The following MSRA variants were observed in gnomAD, a reference collection of about 807,000 sequenced individuals.
The protein encoded by MSRA is methionine sulfoxide reductase A, also known as mitochondrial peptide methionine sulfoxide reductase.
MSRA carries 54 observed loss-of-function variants against 31.3 expected under a neutral mutation model. The observed-to-expected ratio is 1.73, with a 90% CI of 1.39 to 2.17. MSRA has a LOEUF of 2.17. MSRA is among the 30% of genes most tolerant of loss of function. MSRA has a pLI of 0.00. For missense variants in MSRA, 507 were observed against 300.9 expected (o/e 1.69, Z -5.07); for synonymous variants, 169 against 116.5 (o/e 1.45, Z -2.90).
chr8:10,365,867 G>C (rs1805134503), intron 5 of MSRA, among the ~76,000 whole-genome samples: 1 of 152,220 alleles, frequency 6.6e-6, no homozygotes, highest in Non-Finnish European at 1.5e-5. Context: ...GTGAACCCAG[G>C]ACTCCTGGCT....
intron 3 of MSRA, among the ~76,000 whole-genome samples, chr8:10,277,174 T>G (rs968711798): frequency 3.7e-4 from 56 of 152,368 alleles, no homozygotes; most frequent in African/African-American, 1.3e-3. Flanking sequence ...ATTATTCTTA[T>G]AAAATTTATC....
chr8:10,172,848 C>T (rs1227234269), intron 1 of MSRA, among the ~76,000 whole-genome samples: 2 of 152,146 alleles, frequency 1.3e-5, no homozygotes, highest in African/African-American at 4.8e-5. Flanking sequence ...GATTATGTGC[C>T]ACGCATAGGT....
chr8:10,095,439 A>G (rs530982522), intron 1 of MSRA: 1 of 983,038 alleles, frequency 1.0e-6, no homozygotes, highest in Non-Finnish European at 1.2e-6. Context: ...CCTGTTTTCA[A>G]ATGTATTAAT....
chr8:10,107,831 G>A (rs1563103287), intron 1 of MSRA, among the ~76,000 whole-genome samples: 1 of 152,174 alleles, frequency 6.6e-6, no homozygotes, highest in Non-Finnish European at 1.5e-5. Flanking sequence ...GGAGTGGGCA[G>A]AACTGTACCT....
intron 4 of MSRA, among the ~76,000 whole-genome samples, chr8:10,305,330 C>G (rs1801069286): frequency 6.6e-6 from 1 of 151,858 alleles, no homozygotes; most frequent in Non-Finnish European, 1.5e-5. Context: ...CATGTTCTTT[C>G]CTGCTTCAAG....
At chr8:10,195,994 G>A (rs150017747) in intron 1 of MSRA, among the ~76,000 whole-genome samples, 1 of 152,122 alleles carries the variant, frequency 6.6e-6, no homozygotes, top group East Asian at 1.9e-4. Context: ...GGGAGGTGTG[G>A]GCCCATCAGG....
At chr8:10,172,895 T>G (rs1214730146) in intron 1 of MSRA, among the ~76,000 whole-genome samples, 1 of 151,898 alleles carries the variant, frequency 6.6e-6, no homozygotes, top group Admixed American at 6.6e-5. Context: ...CTTAAAGAGG[T>G]TATGTGTGAG....
intron 3 of MSRA, among the ~76,000 whole-genome samples, chr8:10,283,164 T>TCTCTCTCTCTCTCTCTCTCTCA (rs1799723808): frequency 2.9e-5 from 2 of 67,884 alleles, no homozygotes; most frequent in Non-Finnish European, 6.3e-5. Context: ...ACACACACTC[T>TCTCTCTCTCTCTCTCTCTCTCA]CACCCTTCTC....
At chr8:10,235,631 G>T (rs1319219639) in intron 2 of MSRA, among the ~76,000 whole-genome samples, 1 of 152,114 alleles carries the variant, frequency 6.6e-6, no homozygotes, top group Non-Finnish European at 1.5e-5. Flanking sequence ...TAAAAAGAGA[G>T]ATATAAAAAT....
chr8:10,236,593 A>G (rs931397157), intron 2 of MSRA, among the ~76,000 whole-genome samples: 3 of 152,200 alleles, frequency 2.0e-5, no homozygotes, highest in Admixed American at 6.5e-5. Context: ...CACTCAAGCT[A>G]GAGTGCAGTG....
chr8:10,141,441 A>T (rs543842564), intron 1 of MSRA, among the ~76,000 whole-genome samples: 1 of 152,214 alleles, frequency 6.6e-6, no homozygotes, highest in Admixed American at 6.5e-5. Context: ...CACAAGACAT[A>T]CATTGTCACC....
At chr8:10,192,869 G>A (rs1807632307) in intron 1 of MSRA, among the ~76,000 whole-genome samples, 1 of 32,892 alleles carries the variant, frequency 3.0e-5, no homozygotes, top group East Asian at 7.4e-4. Context: ...GCATGTTCAT[G>A]GAAAATGGTT....
intron 3 of MSRA, among the ~76,000 whole-genome samples, chr8:10,283,023 A>T (rs1799705420): frequency 6.6e-6 from 1 of 152,090 alleles, no homozygotes; most frequent in African/African-American, 2.4e-5. Flanking sequence ...TGAAAATTCC[A>T]TTCTTAACTT....
intron 1 of MSRA, among the ~76,000 whole-genome samples, chr8:10,197,607 A>G (rs1255397602): frequency 1.3e-5 from 2 of 152,098 alleles, no homozygotes; most frequent in African/African-American, 4.8e-5. Flanking sequence ...TCTAACTGTG[A>G]TGGGGTTTGG....
At chr8:10,181,326 T>C (rs1806517508) in intron 1 of MSRA, among the ~76,000 whole-genome samples, 1 of 151,948 alleles carries the variant, frequency 6.6e-6, no homozygotes, top group East Asian at 1.9e-4. Context: ...TTCCAGGCAG[T>C]AGGCCAGCAA....
At chr8:10,190,623 G>A (rs1377033897) in intron 1 of MSRA, among the ~76,000 whole-genome samples, 1 of 152,228 alleles carries the variant, frequency 6.6e-6, no homozygotes, top group Non-Finnish European at 1.5e-5. Context: ...GTGTTTGCCA[G>A]AGAGAGTTTA....
intron 1 of MSRA, among the ~76,000 whole-genome samples, chr8:10,138,531 C>G (rs1300797854): frequency 6.6e-6 from 1 of 152,182 alleles, no homozygotes; most frequent in Non-Finnish European, 1.5e-5. Flanking sequence ...GTCTCTACTT[C>G]TCAAATATGT....
chr8:10,183,736 A>G (rs1367875783), intron 1 of MSRA, among the ~76,000 whole-genome samples: 5 of 150,180 alleles, frequency 3.3e-5, no homozygotes, highest in Admixed American at 3.3e-4. Flanking sequence ...TCTGCGAGCT[A>G]AAGAGGACGG....
chr8:10,140,990 G>A (rs193181433), intron 1 of MSRA, among the ~76,000 whole-genome samples: 21 of 152,272 alleles, frequency 1.4e-4, no homozygotes, highest in Middle Eastern at 3.4e-3. Context: ...GCAGGCAAAC[G>A]GAAGTCCTTT....
Sources: gnomAD v4.1 joint callset for allele counts (sites outside exome capture counted in the v4.1 genomes callset) on GRCh38, gnomAD v4.1.1 for gene constraint, MANE v1.5 for transcripts, NCBI Gene and HGNC (gene_info 2026-07-23, HGNC 2026-07-21) for gene names.